Variants in NT5DC1 observed in about 807,000 individuals in gnomAD.
NT5DC1 encodes the protein 5'-nucleotidase domain-containing protein 1.
In NT5DC1, 42 loss-of-function variants were observed where a neutral mutation model predicts 59.4. The observed-to-expected ratio is 0.71, with a 90% confidence interval of 0.55 to 0.92. The LOEUF is 0.92. NT5DC1 is among the 40% of genes least tolerant of loss of function. NT5DC1 has a pLI of 0.00. For synonymous variants in NT5DC1, 172 were observed against 188.1 expected (o/e 0.91, Z 0.70); for missense variants, 501 against 537.1 (o/e 0.93, Z 0.66).
At chr6:116,201,632 T>A (rs1478125230) in intron 6 of NT5DC1, among the ~76,000 whole-genome samples, 1 of 151,990 alleles carries the variant, frequency 6.6e-6, no homozygotes, top group African/African-American at 2.4e-5. Context: ...GTGCTTACTA[T>A]TATTTAGGCT....
chr6:116,189,309 T>C (rs1179928267), intron 6 of NT5DC1, among the ~76,000 whole-genome samples: 1 of 151,938 alleles, frequency 6.6e-6, no homozygotes, highest in Admixed American at 6.6e-5. Flanking sequence ...TTTTCCCTCA[T>C]TTTGAGGGCT....
chr6:116,134,904 A>G (rs1388385124), intron 6 of NT5DC1, among the ~76,000 whole-genome samples: 1 of 152,192 alleles, frequency 6.6e-6, no homozygotes, highest in Non-Finnish European at 1.5e-5. Context: ...ATGGAAAGAA[A>G]AAGGAGAAGA....
chr6:116,240,649 G>T (rs1359116526), intron 11 of NT5DC1, among the ~76,000 whole-genome samples: 1 of 152,124 alleles, frequency 6.6e-6, no homozygotes, highest in Non-Finnish European at 1.5e-5. Context: ...AATAAATTCA[G>T]AGTTAACTGC....
At chr6:116,240,708 T>C (rs1356345664) in intron 11 of NT5DC1, among the ~76,000 whole-genome samples, 1 of 152,136 alleles carries the variant, frequency 6.6e-6, no homozygotes, top group Non-Finnish European at 1.5e-5. Context: ...AGCATAAATA[T>C]AGATTAAATA....
chr6:116,175,207 A>G (rs1326856649), intron 6 of NT5DC1, among the ~76,000 whole-genome samples: 1 of 152,150 alleles, frequency 6.6e-6, no homozygotes. Flanking sequence ...GAGCATTTCC[A>G]GGAAGTTTCT....
chr6:116,192,980 A>G (rs1302170619), intron 6 of NT5DC1, among the ~76,000 whole-genome samples: 2 of 152,022 alleles, frequency 1.3e-5, no homozygotes, highest in Non-Finnish European at 2.9e-5. Context: ...AGCTATTTGT[A>G]TGAGATATAC....
chr6:116,200,318 A>T (rs1781322576), intron 6 of NT5DC1, among the ~76,000 whole-genome samples: 1 of 152,074 alleles, frequency 6.6e-6, no homozygotes, highest in African/African-American at 2.4e-5. Context: ...AGTAAACGTA[A>T]TATGGTATCC....
At chr6:116,216,657 A>T (rs892935826) in intron 6 of NT5DC1, among the ~76,000 whole-genome samples, 3 of 151,878 alleles carry the variant, frequency 2.0e-5, no homozygotes, top group African/African-American at 7.2e-5. Context: ...TAATTATAAA[A>T]TATTAGATAT....
At chr6:116,118,753 G>A (rs1488689635) in intron 6 of NT5DC1, among the ~76,000 whole-genome samples, 1 of 152,116 alleles carries the variant, frequency 6.6e-6, no homozygotes, top group Non-Finnish European at 1.5e-5. Flanking sequence ...CAACTTTGGG[G>A]TGATTTTGTC....
At chr6:116,216,119 A>G (rs1310290023) in intron 6 of NT5DC1, among the ~76,000 whole-genome samples, 1 of 152,114 alleles carries the variant, frequency 6.6e-6, no homozygotes, top group Non-Finnish European at 1.5e-5. Context: ...GTAAGAGTAA[A>G]CACTTTAAAG....
At chr6:116,235,371 G>T (rs1026511083) in intron 8 of NT5DC1, among the ~76,000 whole-genome samples, 2 of 151,988 alleles carry the variant, frequency 1.3e-5, no homozygotes, top group African/African-American at 4.8e-5. Flanking sequence ...CATGATTTTG[G>T]CTTCCTATCT....
intron 6 of NT5DC1, among the ~76,000 whole-genome samples, chr6:116,168,401 T>A (rs1780526365): frequency 6.6e-6 from 1 of 152,100 alleles, no homozygotes; most frequent in Non-Finnish European, 1.5e-5. Flanking sequence ...AGCTTTTAAT[T>A]TTGATTACTG....
At chr6:116,138,111 A>T (rs559602722) in intron 6 of NT5DC1, among the ~76,000 whole-genome samples, 1 of 152,154 alleles carries the variant, frequency 6.6e-6, no homozygotes, top group Admixed American at 6.5e-5. Flanking sequence ...GTCCAGCTCA[A>T]TAGCTGACAT....
chr6:116,243,812 T>A, intron 11 of NT5DC1, 97 bp from the exon 12 acceptor site: 1 of 549,544 alleles, frequency 1.8e-6, no homozygotes, highest in South Asian at 2.9e-5. Flanking sequence ...ATTTTACGTC[T>A]AAAAAATAAG....
In NT5DC1 at chr6:116,100,910, C is replaced by A; in HGVS notation, c.-21C>A. On this transcript the variant is annotated 5_prime_UTR_variant, in exon 1 of 12. Coordinates refer to ENST00000319550, the MANE Select transcript of NT5DC1 (RefSeq NM_152729.3). The stretch of plus-strand genomic sequence containing the variant: ...TGCACCCTTCGCGGCCGAGGCGCTC[C>A]CTGGTGCTCCCCGCGCAGCCATGGC... The A allele has an allele frequency of 3.2e-6, 5 of 1,585,098 alleles. No homozygotes were observed. The highest frequency in any genetic ancestry group is 4.3e-6 in the Non-Finnish European group (5 of 1,166,870).
At chr6:116,156,577 A>G (rs1231544967) in intron 6 of NT5DC1, among the ~76,000 whole-genome samples, 1 of 152,226 alleles carries the variant, frequency 6.6e-6, no homozygotes, top group Admixed American at 6.5e-5. Flanking sequence ...GATATATGAA[A>G]GAAAGCATAA....
At position 116,243,839 on chromosome 6, in the gene NT5DC1, CAA is replaced by C. The variant is rs549912650; in HGVS notation, c.1253-69_1253-68del. 8.7e-4 allele frequency: 533 copies of C among 609,560 alleles called. 6 individuals carry two copies. In the East Asian group the frequency reaches 0.014, roughly 17 times the overall value. The allele number at this position is 609,560 out of a possible 1,614,324, so 37.8% of individuals were successfully genotyped here. ...AAAAATAAGTTTTATTAGTGAATAT[CAA>C]GTTTTGATTTGTTTATGAAAGGCAT... On this transcript the variant is annotated intron_variant, in intron 11 of 11. Transcript: ENST00000319550.
intron 8 of NT5DC1, among the ~76,000 whole-genome samples, chr6:116,226,301 T>C (rs1352934270): frequency 6.6e-6 from 1 of 152,070 alleles, no homozygotes; most frequent in Non-Finnish European, 1.5e-5. Flanking sequence ...TCCAAGAAAA[T>C]CTATACCCCT....
At position 116,225,849 on chromosome 6, in the gene NT5DC1, T is replaced by A. The variant is rs182804043; in HGVS notation, c.802+2718T>A. 2.5e-3 allele frequency among the ~76,000 whole-genome samples: 381 copies of A among 152,368 alleles called. 1 individual carries two copies. Among genetic ancestry groups the A allele is most frequent in the Non-Finnish European group, 4.0e-3 (275 of 68,036 alleles). ...ATATGTGCTGATGAGAATGATCTGC[T>A]GCAGTGGTTTTCAACGGTGGCAGTT... On this transcript the variant is annotated intron_variant, in intron 8 of 11. Coordinates refer to ENST00000319550, the MANE Select transcript of NT5DC1 (RefSeq NM_152729.3).
Sources: gnomAD v4.1 joint callset for allele counts (sites outside exome capture counted in the v4.1 genomes callset) on GRCh38, gnomAD v4.1.1 for gene constraint, MANE v1.5 for transcripts, NCBI Gene and HGNC (gene_info 2026-07-23, HGNC 2026-07-21) for gene names.